Variants in OCA2 observed in about 807,000 individuals in gnomAD.
OCA2 encodes P protein.
OCA2 carries 77 observed loss-of-function variants against 100.2 expected under a neutral mutation model. The observed-to-expected ratio is 0.77, with a 90% CI of 0.64 to 0.93. OCA2 has a LOEUF of 0.93. Among genes scored for constraint, OCA2 ranks in the 40% least tolerant of loss-of-function variants. The pLI is 0.00. For missense variants in OCA2, 1,062 were observed against 1,089.1 expected (o/e 0.98, Z 0.35); for synonymous variants, 432 against 439.2 (o/e 0.98, Z 0.21).
At position 27,924,056 on chromosome 15, in the gene OCA2, G is replaced by A. The variant is rs370231296; in HGVS notation, c.2079+2071C>T. On this transcript the variant is annotated intron_variant, in intron 19 of 23. Transcript: ENST00000354638. ...TGTATATGGTATAAGGAAGGGGTCC[G>A]ATTTCAATCTTCTGCATGTGGGTAG... 1.1e-4 allele frequency among the ~76,000 whole-genome samples: 17 copies of A among 152,188 alleles called. No individual in the cohort carries two copies. The East Asian group carries it at 1.5e-3, about 14-fold the overall frequency.
chr15:28,067,578 A>T (rs1295708330), intron 2 of OCA2, among the ~76,000 whole-genome samples: 1 of 151,960 alleles, frequency 6.6e-6, no homozygotes, highest in Non-Finnish European at 1.5e-5. Flanking sequence ...TTTCTACCTT[A>T]ATTTTTATGT....
chr15:27,903,342 C>A (rs1446569577), intron 19 of OCA2, among the ~76,000 whole-genome samples: 2 of 152,234 alleles, frequency 1.3e-5, no homozygotes, highest in Non-Finnish European at 2.9e-5. Flanking sequence ...CCCTCCTCTC[C>A]TGGCACCGCC....
intron 9 of OCA2, among the ~76,000 whole-genome samples, chr15:28,001,247 A>C (rs1318966303): frequency 1.3e-5 from 2 of 152,114 alleles, no homozygotes; most frequent in African/African-American, 4.8e-5. Flanking sequence ...AACATGTTTC[A>C]TATACATACA....
chr15:27,913,528 G>A (rs2038480724), intron 19 of OCA2, among the ~76,000 whole-genome samples: 1 of 151,862 alleles, frequency 6.6e-6, no homozygotes, highest in Non-Finnish European at 1.5e-5. Flanking sequence ...ATTTTAGATT[G>A]TGAGCTCATA....
intron 14 of OCA2, among the ~76,000 whole-genome samples, chr15:27,978,730 G>A (rs139814438): frequency 0.026 from 3,907 of 151,212 alleles, 181 homozygotes; most frequent in African/African-American, 0.09. Flanking sequence ...TCGTCACCCA[G>A]GCTGGAGTGC....
chr15:28,084,825 C>T (rs189868767), intron 1 of OCA2, among the ~76,000 whole-genome samples: 11 of 152,364 alleles, frequency 7.2e-5, no homozygotes, highest in Admixed American at 4.6e-4. Flanking sequence ...CCTGCATCCT[C>T]ACCATGTGGG....
At chr15:27,862,565 C>T (rs1447958371) in intron 21 of OCA2, among the ~76,000 whole-genome samples, 1 of 151,978 alleles carries the variant, frequency 6.6e-6, no homozygotes, top group Middle Eastern at 3.2e-3. Context: ...ACCTCCGCCC[C>T]CTGGGTTCAA....
Position 27,755,432 on chromosome 15 carries a change from T to A in OCA2, c.2473A>T (p.Met825Leu), listed in dbSNP as rs763881975. The A allele has an allele frequency of 8.7e-6, 14 of 1,613,764 alleles. No homozygotes were observed. In the East Asian group the frequency reaches 3.1e-4, roughly 36 times the overall value. ...PMMVVSCTVG[M>L]CYLLVAHVVV... ...ACATGAGCCACAAGGAGATAACACA[T>A]CCCAACAGTGCAGGACACAACCATC... is the stretch of plus-strand genomic sequence containing the variant. Residue 825 changes from methionine to leucine, a missense_variant, in exon 24 of 24, where the codon ATG (methionine) becomes TTG (leucine). Met to Leu is a conservative substitution (Grantham distance 15). Transcript: ENST00000354638.
chr15:28,068,144 G>A (rs2044082023), intron 2 of OCA2, among the ~76,000 whole-genome samples: 1 of 152,156 alleles, frequency 6.6e-6, no homozygotes, highest in Non-Finnish European at 1.5e-5. Flanking sequence ...TAGGAATAGA[G>A]TCTCCTGCTC....
chr15:27,730,989 A>G, the OCA2 span, among the ~76,000 whole-genome samples: 4 of 150,302 alleles, frequency 2.7e-5, no homozygotes, highest in East Asian at 7.7e-4. Context: ...AATTTTTTTT[A>G]TTTCTGAAAT....
chr15:28,092,715 T>C (rs542453894), intron 1 of OCA2, among the ~76,000 whole-genome samples: 1 of 152,300 alleles, frequency 6.6e-6, no homozygotes, highest in Non-Finnish European at 1.5e-5. Context: ...TCAAGCAATG[T>C]AATCTACCAT....
intron 23 of OCA2, among the ~76,000 whole-genome samples, chr15:27,824,295 G>C (rs889184762): frequency 1.3e-5 from 2 of 152,056 alleles, no homozygotes; most frequent in Non-Finnish European, 1.5e-5. Context: ...TTGAACCTGG[G>C]AGGCAGAGGT....
chr15:27,910,264 A>C (rs1008543473), intron 19 of OCA2, among the ~76,000 whole-genome samples: 1 of 152,230 alleles, frequency 6.6e-6, no homozygotes, highest in Non-Finnish European at 1.5e-5. Context: ...AACCCAGCAC[A>C]ACTCTTGCAG....
Position 28,060,808 on chromosome 15 carries a change from G to A in OCA2, c.227+20840C>T, listed in dbSNP as rs140374538. Among the ~76,000 whole-genome samples the A allele has an allele frequency of 3.9e-5, 6 of 152,306 alleles. No homozygotes were observed. In the East Asian group the frequency reaches 1.2e-3, roughly 29 times the overall value. On this transcript the variant is annotated intron_variant, in intron 2 of 23. Coordinates refer to ENST00000354638, the MANE Select transcript of OCA2 (RefSeq NM_000275.3). The stretch of plus-strand genomic sequence containing the variant: ...AACCAGAGGCCTAGTAGCCATTGAA[G>A]AGAGCAGAATTGGACTAGGGCACTT...
At chr15:27,825,103 A>T (rs1296645211) in intron 23 of OCA2, among the ~76,000 whole-genome samples, 3 of 152,336 alleles carry the variant, frequency 2.0e-5, no homozygotes, top group South Asian at 2.1e-4. Context: ...AGACACAATT[A>T]AAAAATGGCT....
At chr15:27,757,711 A>G (rs2030497364) in intron 23 of OCA2, among the ~76,000 whole-genome samples, 1 of 152,220 alleles carries the variant, frequency 6.6e-6, no homozygotes, top group African/African-American at 2.4e-5. Context: ...TGAGGATTCC[A>G]TGAGTTCACT....
intron 23 of OCA2, among the ~76,000 whole-genome samples, chr15:27,830,663 T>C (rs1162497847): frequency 1.3e-5 from 2 of 152,202 alleles, no homozygotes; most frequent in Admixed American, 6.5e-5. Flanking sequence ...TGCGACTGTG[T>C]GTATATCAAC....
chr15:28,007,466 C>T (rs2042121518), intron 9 of OCA2, among the ~76,000 whole-genome samples: 1 of 152,210 alleles, frequency 6.6e-6, no homozygotes, highest in Admixed American at 6.5e-5. Flanking sequence ...CATGGTGGCT[C>T]ACGCCTGTAA....
At chr15:27,858,388 G>GAAAAAAAAAA (rs200488887) in intron 21 of OCA2, among the ~76,000 whole-genome samples, 6 of 49,414 alleles carry the variant, frequency 1.2e-4, no homozygotes, top group African/African-American at 1.3e-4. Context: ...AAGAAAGAAA[G>GAAAAAAAAAA]AAAAAAAAAA....
Sources: allele counts gnomAD v4.1 joint callset (sites outside exome capture counted in the v4.1 genomes callset), GRCh38; gene constraint gnomAD v4.1.1; transcripts MANE v1.5; gene names NCBI Gene and HGNC (gene_info 2026-07-23, HGNC 2026-07-21).